The following PAPPA2 variants were observed in gnomAD, a reference collection of about 807,000 sequenced individuals.
The protein encoded by PAPPA2 is pappalysin-2.
A neutral mutation model predicts 176.4 loss-of-function variants in PAPPA2; 86 were observed. That is an observed-to-expected ratio of 0.49 (90% confidence interval 0.41 to 0.58). The LOEUF is 0.58. Ranked by LOEUF, PAPPA2 falls within the 20% of genes least tolerant of loss-of-function variation. PAPPA2 has a pLI of 0.00. For synonymous variants in PAPPA2, 809 were observed against 852.2 expected, an observed-to-expected ratio of 0.95 and a Z score of 0.88; for missense variants, 2,073 against 2,256.9, an observed-to-expected ratio of 0.92 and a Z score of 1.65.
intron 1 of PAPPA2, among the ~76,000 whole-genome samples, chr1:176,504,546 T>TTAA (rs1465877989): frequency 2.0e-5 from 3 of 152,168 alleles, no homozygotes; most frequent in Non-Finnish European, 4.4e-5. Context: ...AAGCACAGAC[T>TTAA]GTGTTCAGGA....
At chr1:176,816,994 A>G (rs543951702) in intron 21 of PAPPA2, among the ~76,000 whole-genome samples, 19 of 152,306 alleles carry the variant, frequency 1.2e-4, no homozygotes, top group African/African-American at 4.6e-4. Flanking sequence ...GAATCATGTT[A>G]GATCCTAGGA....
At position 176,567,125 on chromosome 1, in the gene PAPPA2, C is replaced by T. The variant is rs142129227; in HGVS notation, c.919+9884C>T. On this transcript the variant is annotated intron_variant, in intron 2 of 22. Transcript: ENST00000367662. ...GTTTGTATCCAAAAAATAACAGCAT[C>T]GTTTCTTTCCCATGTTTACTACCTG... is the stretch of plus-strand genomic sequence containing the variant. 1.2e-4 allele frequency among the ~76,000 whole-genome samples: 18 copies of T among 152,310 alleles called. No individual in the cohort carries two copies. The East Asian group carries it at 3.5e-3, about 29-fold the overall frequency.
intron 15 of PAPPA2, among the ~76,000 whole-genome samples, chr1:176,766,845 G>A (rs1462999586): frequency 6.6e-6 from 1 of 151,918 alleles, no homozygotes; most frequent in Non-Finnish European, 1.5e-5. Flanking sequence ...AGAAAGATGT[G>A]GTCTCATAAG....
intron 14 of PAPPA2, among the ~76,000 whole-genome samples, chr1:176,755,255 G>A (rs1663360561): frequency 6.6e-6 from 1 of 152,070 alleles, no homozygotes; most frequent in Admixed American, 6.5e-5. Context: ...GTCCCAAAGG[G>A]GCCCCACAGG....
In PAPPA2 at chr1:176,690,387, T is replaced by C. The variant is rs1660056472; in HGVS notation, c.2388T>C (p.Thr796=). The change falls in exon 5 of 23, where the codon ACT becomes ACC. Residue 796 remains threonine (T), a synonymous_variant. Transcript: ENST00000367662. ...CCACTAGTGACACCTGTGGCTTCACTCGCTTCCCAGGGGCTCCGTTCACCA... is the reference window on the plus strand; with the variant it reads ...CCACTAGTGACACCTGTGGCTTCACCCGCTTCCCAGGGGCTCCGTTCACCA... ...PEPTSDTCGF[T]RFPGAPFTNY... 1 of 1,614,108 alleles carries C rather than the reference T, an allele frequency of 6.2e-7. No homozygotes were observed. Among genetic ancestry groups the C allele is most frequent in the Non-Finnish European group, 8.5e-7 (1 of 1,179,990 alleles).
chr1:176,518,710 T>C (rs925516323), intron 1 of PAPPA2, among the ~76,000 whole-genome samples: 1 of 152,164 alleles, frequency 6.6e-6, no homozygotes, highest in Non-Finnish European at 1.5e-5. Context: ...TGTGGAAGTG[T>C]GCATGTAAAG....
chr1:176,824,391 T>G (rs1048184350), intron 21 of PAPPA2, among the ~76,000 whole-genome samples: 4 of 152,228 alleles, frequency 2.6e-5, no homozygotes, highest in African/African-American at 9.6e-5. Flanking sequence ...TACAAGTAGT[T>G]AATAAATATT....
chr1:176,583,242 A>G lies in PAPPA2; in HGVS notation c.920-11282A>G, dbSNP rs191893019. Reference sequence around the variant, plus strand: ...TTTGTTTATTTTTCCTTTTATTTTCATTTATTTCCTTCTATTAATTTTTGG... The same window carrying G: ...TTTGTTTATTTTTCCTTTTATTTTCGTTTATTTCCTTCTATTAATTTTTGG... On this transcript the variant is annotated intron_variant, in intron 2 of 22. Coordinates refer to ENST00000367662, the MANE Select transcript of PAPPA2 (RefSeq NM_020318.3). Among the ~76,000 whole-genome samples, 766 of 150,784 alleles carry G rather than the reference A, an allele frequency of 5.1e-3. 4 individuals are homozygous for G. The highest frequency in any genetic ancestry group is 8.6e-3 in the Non-Finnish European group (582 of 67,644).
intron 19 of PAPPA2, among the ~76,000 whole-genome samples, chr1:176,792,168 C>T (rs1415196027): frequency 1.3e-5 from 2 of 152,158 alleles, no homozygotes; most frequent in East Asian, 1.9e-4. Flanking sequence ...GCTCCAGAGT[C>T]GTGGACAACT....
At chr1:176,725,492 C>T (rs1661822854) in intron 12 of PAPPA2, among the ~76,000 whole-genome samples, 2 of 152,086 alleles carry the variant, frequency 1.3e-5, no homozygotes. Flanking sequence ...CCATCTTCAC[C>T]CTTAAGGTAC....
Position 176,685,191 on chromosome 1 carries a change from G to A in PAPPA2, c.2138-4946G>A, listed in dbSNP as rs998807658. On this transcript the variant is annotated intron_variant, in intron 4 of 22. Transcript: ENST00000367662. ...CATAGAATAATAATATTGACAAGTG[G>A]TCTAATATATATTTTGAGTTTCTTT... Among the ~76,000 whole-genome samples the A allele has an allele frequency of 3.9e-5, 6 of 152,136 alleles. No homozygotes were observed. The South Asian group carries it at 1.2e-3, about 32-fold the overall frequency.
At position 176,696,320 on chromosome 1, in the gene PAPPA2, G is replaced by A. The variant is rs1159276164; in HGVS notation, c.2746+461G>A. On this transcript the variant is annotated intron_variant, in intron 7 of 22. Coordinates refer to ENST00000367662, the MANE Select transcript of PAPPA2 (RefSeq NM_020318.3). ...TGAGCAAGTCTGGGTGGGGGTGGGG[G>A]GACCGCAGAGAAAACTCATGTACTG... is the stretch of plus-strand genomic sequence containing the variant. Among the ~76,000 whole-genome samples the A allele has an allele frequency of 2.2e-5, 3 of 134,680 alleles. No individual in the cohort carries two copies. The East Asian group carries it at 7.8e-4, about 35-fold the overall frequency. The allele number at this position is 134,680 out of a possible 152,430, so 88.4% of individuals were successfully genotyped here. A position where few individuals can be genotyped will look rare whatever the true frequency, so the allele number is the denominator to read the frequency against.
At chr1:176,693,116 T>G (rs1031344700) in intron 6 of PAPPA2, among the ~76,000 whole-genome samples, 11 of 152,204 alleles carry the variant, frequency 7.2e-5, no homozygotes, top group African/African-American at 2.7e-4. Context: ...GAGAATGTGG[T>G]TTCACTGAGA....
intron 3 of PAPPA2, among the ~76,000 whole-genome samples, chr1:176,601,425 G>A (rs1417801599): frequency 6.6e-6 from 1 of 152,166 alleles, no homozygotes; most frequent in Non-Finnish European, 1.5e-5. Flanking sequence ...TCTCCCAAAC[G>A]CTCTGAGAGG....
intron 3 of PAPPA2, among the ~76,000 whole-genome samples, chr1:176,654,413 G>A (rs1657912584): frequency 6.7e-6 from 1 of 149,962 alleles, no homozygotes; most frequent in Non-Finnish European, 1.5e-5. Context: ...ATTGATATAT[G>A]AGTCTGTATT....
At chr1:176,531,181 C>A (rs1020367055) in intron 1 of PAPPA2, among the ~76,000 whole-genome samples, 1 of 152,220 alleles carries the variant, frequency 6.6e-6, no homozygotes, top group East Asian at 1.9e-4. Flanking sequence ...TAGCAGCAGG[C>A]AGGCAAGCCA....
At chr1:176,803,358 T>G (rs1665765606) in intron 21 of PAPPA2, among the ~76,000 whole-genome samples, 1 of 152,178 alleles carries the variant, frequency 6.6e-6, no homozygotes. Context: ...TTCGTGAATG[T>G]TTACTGAATG....
At chr1:176,812,569 C>T (rs1474866497) in intron 21 of PAPPA2, among the ~76,000 whole-genome samples, 2 of 152,114 alleles carry the variant, frequency 1.3e-5, no homozygotes, top group African/African-American at 4.8e-5. Flanking sequence ...GCTTATTTTA[C>T]AATTTACCAT....
Position 176,822,546 on chromosome 1 carries a change from A to G in PAPPA2, c.5203-17627A>G, listed in dbSNP as rs946516676. On this transcript the variant is annotated intron_variant, in intron 21 of 22. Coordinates refer to ENST00000367662, the MANE Select transcript of PAPPA2 (RefSeq NM_020318.3). ...CTATACTCACAAGTCTTTTCAAGAA[A>G]TGCCTCTCTTAATAAATATAGGTAT... Among the ~76,000 whole-genome samples, 5 of 152,312 alleles carry G rather than the reference A, an allele frequency of 3.3e-5. No homozygotes were observed. In the East Asian group the frequency reaches 9.6e-4, roughly 29 times the overall value.
Sources: gnomAD v4.1 joint callset for allele counts (sites outside exome capture counted in the v4.1 genomes callset) on GRCh38, gnomAD v4.1.1 for gene constraint, MANE v1.5 for transcripts, NCBI Gene and HGNC (gene_info 2026-07-23, HGNC 2026-07-21) for gene names.